Variants in ZNF385D observed in about 807,000 individuals in gnomAD.
ZNF385D encodes zinc finger protein 385D, also known as zinc finger protein 659.
Under a neutral mutation model 35.8 loss-of-function variants are expected in ZNF385D, and 15 were observed. The ratio of observed to expected loss-of-function variants is 0.42; its 90% CI spans 0.28 to 0.64. The LOEUF is 0.64. Ranked by LOEUF, ZNF385D falls within the 30% of genes least tolerant of loss-of-function variation. ZNF385D has a pLI of 0.23. For synonymous variants in ZNF385D, 212 were observed against 186.8 expected (o/e 1.13, Z -1.10); for missense variants, 474 against 494.6 (o/e 0.96, Z 0.39).
At chr3:21,526,380 A>G (rs984404714) in intron 3 of ZNF385D, among the ~76,000 whole-genome samples, 1 of 152,276 alleles carries the variant, frequency 6.6e-6, no homozygotes, top group African/African-American at 2.4e-5. Context: ...TATTAGTTCA[A>G]GTATCACTCC....
chr3:22,164,678 A>G (rs1576429481), intron 3 of ZNF385D, among the ~76,000 whole-genome samples: 1 of 151,822 alleles, frequency 6.6e-6, no homozygotes, highest in Non-Finnish European at 1.5e-5. Context: ...AAGTGGATAA[A>G]TTGTTTCCCC....
chr3:22,043,333 G>T (rs1323946883), intron 3 of ZNF385D, among the ~76,000 whole-genome samples: 2 of 152,084 alleles, frequency 1.3e-5, no homozygotes, highest in Non-Finnish European at 2.9e-5. Flanking sequence ...TTACAGTTTA[G>T]GTCTGTGGCC....
chr3:22,185,267 A>T (rs1003180552), intron 2 of ZNF385D, among the ~76,000 whole-genome samples: 2 of 152,314 alleles, frequency 1.3e-5, no homozygotes, highest in Non-Finnish European at 2.9e-5. Flanking sequence ...GCCAAATTAA[A>T]TGGCATAATA....
At chr3:21,598,188 G>A (rs1474509969) in intron 2 of ZNF385D, among the ~76,000 whole-genome samples, 11 of 152,128 alleles carry the variant, frequency 7.2e-5, no homozygotes. Context: ...CATTTTCAAA[G>A]ACGGTATCTA....
At chr3:21,724,154 C>T (rs1432801863) in intron 1 of ZNF385D, among the ~76,000 whole-genome samples, 1 of 152,024 alleles carries the variant, frequency 6.6e-6, no homozygotes, top group Non-Finnish European at 1.5e-5. Context: ...GAAGGAAGCA[C>T]TACACATAGA....
chr3:21,929,390 C>T (rs55729155), intron 3 of ZNF385D, among the ~76,000 whole-genome samples: 63,527 of 151,746 alleles, frequency 0.42, 13,988 homozygotes, highest in Non-Finnish European at 0.5. Flanking sequence ...ATACTCTCAC[C>T]CAAAGACTGG....
chr3:21,867,691 A>T (rs1004998506), intron 3 of ZNF385D, among the ~76,000 whole-genome samples: 4 of 151,932 alleles, frequency 2.6e-5, no homozygotes, highest in African/African-American at 9.7e-5. Context: ...GCTTATATTA[A>T]TGCCTTTCAA....
chr3:22,301,313 C>T (rs1431698353), intron 2 of ZNF385D, among the ~76,000 whole-genome samples: 2 of 151,890 alleles, frequency 1.3e-5, no homozygotes, highest in Non-Finnish European at 2.9e-5. Context: ...AGATGTTGGT[C>T]AAATAATACA....
intron 2 of ZNF385D, among the ~76,000 whole-genome samples, chr3:21,608,338 C>G (rs190693563): frequency 9.9e-5 from 15 of 152,150 alleles, no homozygotes; most frequent in Admixed American, 4.6e-4. Flanking sequence ...TTATGTATGT[C>G]TTTCAGGATT....
chr3:22,192,999 C>G (rs1281229273), intron 2 of ZNF385D, among the ~76,000 whole-genome samples: 1 of 152,152 alleles, frequency 6.6e-6, no homozygotes, highest in Non-Finnish European at 1.5e-5. Flanking sequence ...TGGCCAAGTT[C>G]TTTCCACCAT....
chr3:22,095,931 C>T (rs1008617512), intron 3 of ZNF385D, among the ~76,000 whole-genome samples: 1 of 151,660 alleles, frequency 6.6e-6, no homozygotes, highest in Non-Finnish European at 1.5e-5. Flanking sequence ...ACTAATGACA[C>T]AATGAACTTT....
intron 2 of ZNF385D, among the ~76,000 whole-genome samples, chr3:22,306,859 A>G (rs1703253529): frequency 1.3e-5 from 2 of 152,188 alleles, no homozygotes; most frequent in African/African-American, 2.4e-5. Flanking sequence ...ATTATATCCC[A>G]GAAGAACTAC....
At chr3:22,044,701 A>G (rs184783371) in intron 3 of ZNF385D, among the ~76,000 whole-genome samples, 5 of 152,080 alleles carry the variant, frequency 3.3e-5, no homozygotes, top group Admixed American at 2.0e-4. Context: ...AACCTGCTCT[A>G]TTGGGAAGGA....
intron 4 of ZNF385D, among the ~76,000 whole-genome samples, chr3:21,502,251 G>T (rs913533595): frequency 6.6e-6 from 1 of 152,136 alleles, no homozygotes; most frequent in Non-Finnish European, 1.5e-5. Context: ...GCATCACACC[G>T]GGACAGACTT....
intron 2 of ZNF385D, among the ~76,000 whole-genome samples, chr3:22,173,051 G>A (rs1236219218): frequency 2.0e-5 from 3 of 152,270 alleles, no homozygotes; most frequent in Middle Eastern, 6.8e-3. Context: ...TTAATATGAC[G>A]TGCTAACAAT....
chr3:21,797,279 G>A (rs181826207), intron 3 of ZNF385D, among the ~76,000 whole-genome samples: 15 of 152,260 alleles, frequency 9.9e-5, no homozygotes, highest in African/African-American at 3.6e-4. Flanking sequence ...TAAAACAATT[G>A]TGAGATGGAT....
intron 3 of ZNF385D, among the ~76,000 whole-genome samples, chr3:22,146,342 A>G (rs1704851726): frequency 1.3e-5 from 2 of 152,174 alleles, no homozygotes; most frequent in South Asian, 4.1e-4. Flanking sequence ...TTCCACAGGT[A>G]TTTCCCATTA....
upstream of ZNF385D, among the ~76,000 whole-genome samples, chr3:21,755,992 A>T (rs545295674): frequency 6.6e-6 from 1 of 152,342 alleles, no homozygotes; most frequent in South Asian, 2.1e-4. Context: ...ATGGAGCCAA[A>T]TTCAGTAGAA....
intron 3 of ZNF385D, among the ~76,000 whole-genome samples, chr3:21,932,166 C>CAAAAAAAAAAAAAAAAAAAAA (rs543138588): frequency 2.7e-4 from 15 of 55,334 alleles, no homozygotes; most frequent in Non-Finnish European, 4.0e-4. Context: ...GACTCATTCT[C>CAAAAAAAAAAAAAAAAAAAAA]AAAAAAAAAA....
Sources: gnomAD v4.1 joint callset for allele counts (sites outside exome capture counted in the v4.1 genomes callset) on GRCh38, gnomAD v4.1.1 for gene constraint, MANE v1.5 for transcripts, NCBI Gene and HGNC (gene_info 2026-07-23, HGNC 2026-07-21) for gene names.